MCIDAS: variants seen among roughly 807,000 people sequenced by gnomAD.
The protein encoded by MCIDAS is multiciliate differentiation and DNA synthesis associated cell cycle protein.
A neutral mutation model predicts 35.4 loss-of-function variants in MCIDAS; 23 were observed. That is an observed-to-expected ratio of 0.65 (90% CI 0.47 to 0.92). The LOEUF is 0.92. MCIDAS is among the 40% of genes least tolerant of loss of function. MCIDAS has a pLI of 0.00. For missense variants in MCIDAS, 480 were observed against 531.8 expected, an observed-to-expected ratio of 0.90 and a Z score of 0.96; for synonymous variants, 228 against 235.2, an observed-to-expected ratio of 0.97 and a Z score of 0.28.
chr5:55,220,464 T>A lies in MCIDAS; in HGVS notation c.1060A>T (p.Ser354Cys), dbSNP rs1471522220. 1.3e-6 allele frequency: 2 copies of A among 1,536,028 alleles called. No individual in the cohort carries two copies. Among genetic ancestry groups the A allele is most frequent in the Non-Finnish European group, 8.7e-7 (1 of 1,146,894 alleles). ...GCGAGGGTGCGGATGGTGCTGTGGC[T>A]GCGGATGCGGGTGCTGAAGGAGCCG... is the stretch of plus-strand genomic sequence containing the variant. ...EGGSFSTRIR[S>C]HSTIRTLAFP... The change falls in exon 7 of 7, where the codon AGC (serine) becomes TGC (cysteine). Residue 354 changes from serine (S) to cysteine (C), a missense_variant. By Grantham distance (112) the Ser-to-Cys change is moderately radical. Coordinates refer to ENST00000513312, the MANE Select transcript of MCIDAS (RefSeq NM_001190787.3).
chr5:55,226,568 G>T lies in MCIDAS; in HGVS notation c.309+8C>A. ...GAAACCACGAGGCTCCACGAGAAGGGGAGGTACCTGCGAGGCGGCCAGGTC... is the reference window on the plus strand; with the variant it reads ...GAAACCACGAGGCTCCACGAGAAGGTGAGGTACCTGCGAGGCGGCCAGGTC... On this transcript the variant is annotated splice_region_variant and intron_variant, in intron 3 of 6. Coordinates refer to ENST00000513312, the MANE Select transcript of MCIDAS (RefSeq NM_001190787.3). The T allele has an allele frequency of 6.5e-7, 1 of 1,530,594 alleles. No individual in the cohort carries two copies. The allele number at this position is 1,530,594 out of a possible 1,614,324, so 94.8% of individuals were successfully genotyped here.
At chr5:55,226,700 C>A (rs1248616002) in intron 2 of MCIDAS, 33 bp from the exon 3 acceptor site, 91 of 1,462,740 alleles carry the variant, frequency 6.2e-5, no homozygotes, top group Non-Finnish European at 8.0e-5. Context: ...ACGCGCCGGG[C>A]GGGCCCTGAG....
At chr5:55,225,626 G>A (rs1430461163) in intron 3 of MCIDAS, among the ~76,000 whole-genome samples, 1 of 152,252 alleles carries the variant, frequency 6.6e-6, no homozygotes, top group Non-Finnish European at 1.5e-5. Context: ...GAGGAGGGCT[G>A]AGTTTTGCTC....
In MCIDAS at chr5:55,222,348, G is replaced by C; in HGVS notation, c.434C>G (p.Ser145Cys). 1 of 1,533,456 alleles carries C rather than the reference G, an allele frequency of 6.5e-7. No homozygotes were observed. 95.0% of individuals were successfully genotyped at this position (1,533,456 alleles called of 1,614,324 possible). A position where few individuals can be genotyped will look rare whatever the true frequency, so the allele number is the denominator to read the frequency against. Residue 145 changes from serine (S) to cysteine (C), a missense_variant, in exon 5 of 7, where the codon TCT (serine) becomes TGT (cysteine). By Grantham distance (112) the Ser-to-Cys change is moderately radical (BLOSUM62 -1). Transcript: ENST00000513312. The stretch of plus-strand genomic sequence containing the variant: ...CCCGAATGGTGATATGTCGCAAGGA[G>C]AGAAGGGGAAGTCTCCGCTGGCCAG... ...PTLASGDFPFSPCDISPFGPC... is the reference protein window; with the variant it reads ...PTLASGDFPFCPCDISPFGPC...
Position 55,221,091 on chromosome 5 carries a change from G to A in MCIDAS, c.642C>T (p.Ile214=). ...HVTLTQKQEE[I]ASLKERNVQL... Reference sequence around the variant, plus strand: ...GCACGTTCCGCTCCTTGAGCGAGGCGATCTCCTCCTGTTTCTGGGTCAATG... The same window carrying A: ...GCACGTTCCGCTCCTTGAGCGAGGCAATCTCCTCCTGTTTCTGGGTCAATG... Residue 214 remains isoleucine (I), a synonymous_variant, in exon 6 of 7, where the codon ATC becomes ATT. Coordinates refer to ENST00000513312, the MANE Select transcript of MCIDAS (RefSeq NM_001190787.3). The A allele has an allele frequency of 1.3e-6, 2 of 1,536,096 alleles. No homozygotes were observed. Among genetic ancestry groups the A allele is most frequent in the East Asian group, 4.9e-5 (2 of 40,906 alleles).
chr5:55,226,273 G>T lies in MCIDAS; in HGVS notation c.309+303C>A, dbSNP rs557343191. 3.9e-5 allele frequency among the ~76,000 whole-genome samples: 6 copies of T among 152,254 alleles called. No homozygotes were observed. The South Asian group carries it at 1.2e-3, about 32-fold the overall frequency. On this transcript the variant is annotated intron_variant, in intron 3 of 6. Coordinates refer to ENST00000513312, the MANE Select transcript of MCIDAS (RefSeq NM_001190787.3). ...ACCCACCCGCCTGGTCTCTCAGTGC[G>T]CAATCTTGTCACAGCTCCAAAGAGT... is the stretch of plus-strand genomic sequence containing the variant.
chr5:55,222,692 C>T (rs1228983183), intron 4 of MCIDAS, among the ~76,000 whole-genome samples: 1 of 152,180 alleles, frequency 6.6e-6, no homozygotes, highest in Admixed American at 6.5e-5. Flanking sequence ...CCTCCCCTGC[C>T]ACACCACAGC....
intron 6 of MCIDAS, 38 bp from the exon 7 acceptor site, chr5:55,220,844 C>A: frequency 6.7e-7 from 1 of 1,503,068 alleles, no homozygotes; most frequent in South Asian, 1.2e-5. Context: ...CTGGGGCCTG[C>A]CGGACCCTCC....
rs572456943 is a variant in MCIDAS at position 55,223,787 on chromosome 5, G to A, written c.310-764C>T. On this transcript the variant is annotated intron_variant, in intron 3 of 6. Transcript: ENST00000513312. This position sits in a 1 kb window ranked among gnomAD's most constrained non-coding sequence, Gnocchi z 4.4. ...AATACGGGAAAAGCTTCTGTTCTGC[G>A]CACAGCCAGTGCGGCCTCCATTGCT... is the stretch of plus-strand genomic sequence containing the variant. 6.6e-6 allele frequency among the ~76,000 whole-genome samples: 1 copy of A among 152,188 alleles called. No homozygotes were observed. The highest frequency in any genetic ancestry group is 1.5e-5 in the Non-Finnish European group (1 of 68,034).
chr5:55,225,172 C>T (rs1745434905), intron 3 of MCIDAS, among the ~76,000 whole-genome samples: 1 of 152,014 alleles, frequency 6.6e-6, no homozygotes, highest in South Asian at 2.1e-4. Flanking sequence ...CATGTCACTG[C>T]CCTCCAGTCT....
Position 55,221,139 on chromosome 5 carries a change from A to C in MCIDAS, c.607-13T>G, listed in dbSNP as rs756023466. On this transcript the variant is annotated splice_polypyrimidine_tract_variant and intron_variant, in intron 5 of 6. Coordinates refer to ENST00000513312, the MANE Select transcript of MCIDAS (RefSeq NM_001190787.3). Reference sequence around the variant, plus strand: ...ATGTCACGTGCAGCTGCAGGAGGAGACCCAAACATTCAGGGGTAGGTACTG... The same window carrying C: ...ATGTCACGTGCAGCTGCAGGAGGAGCCCCAAACATTCAGGGGTAGGTACTG... 1.4e-5 allele frequency: 22 copies of C among 1,530,998 alleles called. No individual in the cohort carries two copies. In the South Asian group the frequency reaches 1.8e-4, roughly 12 times the overall value. The allele number at this position is 1,530,998 out of a possible 1,614,324, so 94.8% of individuals were successfully genotyped here. A position where few individuals can be genotyped will look rare whatever the true frequency, so the allele number is the denominator to read the frequency against.
At chr5:55,221,459 A>C (rs1400881521) in intron 5 of MCIDAS, among the ~76,000 whole-genome samples, 7 of 152,050 alleles carry the variant, frequency 4.6e-5, no homozygotes, top group Non-Finnish European at 1.0e-4. Context: ...AATGATTGTG[A>C]GCATTAAGTG....
intron 3 of MCIDAS, among the ~76,000 whole-genome samples, chr5:55,224,086 CTG>C (rs950709869): frequency 9.9e-5 from 15 of 152,134 alleles, no homozygotes; most frequent in Admixed American, 9.2e-4. Context: ...GAGGAAGAAT[CTG>C]AAGCTCAGAG....
rs1169518449 is a variant in MCIDAS, at chr5:55,220,559, G to T, written c.965C>A (p.Ala322Asp). The T allele has an allele frequency of 8.5e-6, 13 of 1,535,956 alleles. No homozygotes were observed. The highest frequency in any genetic ancestry group is 2.7e-5 in the African/African-American group (2 of 73,052). ...TDTRPGNLHG[A>D]FRGLRTDCSR... Reference sequence around the variant, plus strand: ...GCAGTCTGTGCGCAGCCCCCGGAAGGCGCCATGCAGGTTCCCGGGCCTGGT... The same window carrying T: ...GCAGTCTGTGCGCAGCCCCCGGAAGTCGCCATGCAGGTTCCCGGGCCTGGT... Residue 322 changes from alanine (A) to aspartate (D), a missense_variant, in exon 7 of 7, where the codon GCC becomes GAC. Coordinates refer to ENST00000513312, the MANE Select transcript of MCIDAS (RefSeq NM_001190787.3).
chr5:55,222,129 T>A (rs1215580680), intron 5 of MCIDAS, 47 bp downstream of exon 5: 2 of 1,521,050 alleles, frequency 1.3e-6, no homozygotes, highest in East Asian at 2.4e-5. Context: ...ACCCTCTATA[T>A]CCTGTCCCTG....
Position 55,227,251 on chromosome 5 carries a change from T to A in MCIDAS, c.-113A>T. The A allele has an allele frequency of 7.6e-7, 1 of 1,323,302 alleles. No homozygotes were observed. Among genetic ancestry groups the A allele is most frequent in the Non-Finnish European group, 9.7e-7 (1 of 1,032,704 alleles). 82.0% of individuals were successfully genotyped at this position (1,323,302 alleles called of 1,614,324 possible). A position where few individuals can be genotyped will look rare whatever the true frequency, so the allele number is the denominator to read the frequency against. The stretch of plus-strand genomic sequence containing the variant: ...TGCAGGCTCCGAAGCCAGCCAGAGG[T>A]TGGGGCAGGCGCGTGACCGAGAAGG... On this transcript the variant is annotated 5_prime_UTR_variant, in exon 1 of 7. Transcript: ENST00000513312.
At chr5:55,224,868 T>G (rs531515227) in intron 3 of MCIDAS, among the ~76,000 whole-genome samples, 1 of 152,140 alleles carries the variant, frequency 6.6e-6, no homozygotes, top group Non-Finnish European at 1.5e-5. Context: ...CCAGGAAAAT[T>G]CCTGGATTTT....
Position 55,222,325 on chromosome 5 carries a change from C to A in MCIDAS, c.457G>T (p.Gly153Trp). 6.5e-7 allele frequency: 1 copy of A among 1,534,880 alleles called. No homozygotes were observed. Among genetic ancestry groups the A allele is most frequent in the Non-Finnish European group, 8.7e-7 (1 of 1,146,190 alleles). ...TCCAGTGGCGGGGAGAGGCAGGGCC[C>A]GAATGGTGATATGTCGCAAGGAGAG... Reference protein sequence around the residue: ...PFSPCDISPFGPCLSPPLDPR... With the variant: ...PFSPCDISPFWPCLSPPLDPR... Residue 153 changes from glycine to tryptophan, a missense_variant, in exon 5 of 7, where the codon GGG (glycine) becomes TGG (tryptophan). Gly to Trp is a radical substitution (Grantham distance 184). Coordinates refer to ENST00000513312, the MANE Select transcript of MCIDAS (RefSeq NM_001190787.3).
chr5:55,226,606 C>T lies in MCIDAS; in HGVS notation c.279G>A (p.Ala93=). 2.0e-6 allele frequency: 3 copies of T among 1,531,852 alleles called. No individual in the cohort carries two copies. The South Asian group carries it at 3.6e-5, about 18-fold the overall frequency. 94.9% of individuals were successfully genotyped at this position (1,531,852 alleles called of 1,614,324 possible). The change falls in exon 3 of 7, where the codon GCG becomes GCA. Residue 93 remains alanine, a synonymous_variant. Transcript: ENST00000513312. The part of the protein sequence containing the change: ...ADCSSLLGSD[A]PPGGDLAASQ... ...AGGCGGCCAGGTCACCACCAGGCGG[C>T]GCGTCGGACCCGAGTAGCGAAGAGC... is the stretch of plus-strand genomic sequence containing the variant.
Sources: allele counts gnomAD v4.1 joint callset (sites outside exome capture counted in the v4.1 genomes callset), GRCh38; gene constraint gnomAD v4.1.1; non-coding constraint Gnocchi (gnomAD v3.1); transcripts MANE v1.5; gene names NCBI Gene and HGNC (gene_info 2026-07-23, HGNC 2026-07-21).